Variants in PKP4 observed in about 807,000 individuals in gnomAD.
PKP4 encodes the protein plakophilin 4, also known as plakophilin-4.
In PKP4, 90 loss-of-function variants were observed where a neutral mutation model predicts 145.1. The ratio of observed to expected loss-of-function variants is 0.62; its 90% CI spans 0.52 to 0.74. PKP4 has a LOEUF of 0.74. Ranked by LOEUF, PKP4 falls within the 30% of genes least tolerant of loss-of-function variation. The pLI, the probability that PKP4 is intolerant of heterozygous loss-of-function variation, is 0.00. For synonymous variants in PKP4, 563 were observed against 577.2 expected, an observed-to-expected ratio of 0.98 and a Z score of 0.35; for missense variants, 1,340 against 1,482.7, an observed-to-expected ratio of 0.90 and a Z score of 1.58.
chr2:158,624,956 A>G lies in PKP4; in HGVS notation c.682A>G (p.Thr228Ala). The G allele has an allele frequency of 1.2e-6, 2 of 1,614,010 alleles. No homozygotes were observed. Among genetic ancestry groups the G allele is most frequent in the South Asian group, 1.1e-5 (1 of 91,064 alleles). ...RAQSPSYVIS[T>A]GVSPSRGSLR... Reference sequence around the variant, plus strand: ...ACAGTCTCCTTCTTATGTTATCAGCACAGGCGTGTCTCCTTCAAGGGGGTC... The same window carrying G: ...ACAGTCTCCTTCTTATGTTATCAGCGCAGGCGTGTCTCCTTCAAGGGGGTC... Residue 228 changes from threonine to alanine, a missense_variant, in exon 7 of 22, where the codon ACA (threonine) becomes GCA (alanine). By Grantham distance (58) the Thr-to-Ala change is moderately conservative. Transcript: ENST00000389759.
intron 1 of PKP4, among the ~76,000 whole-genome samples, chr2:158,490,825 T>C (rs963541308): frequency 2.6e-5 from 4 of 152,168 alleles, no homozygotes; most frequent in African/African-American, 9.7e-5. Flanking sequence ...AATTCTTTAG[T>C]TGGATGTTAG....
At chr2:158,617,176 G>T (rs895693473) in intron 4 of PKP4, among the ~76,000 whole-genome samples, 3 of 152,132 alleles carry the variant, frequency 2.0e-5, no homozygotes, top group South Asian at 2.1e-4. Context: ...CAATAATTTT[G>T]CAGTCTTAGG....
chr2:158,470,571 C>G (rs1691408748), intron 1 of PKP4, among the ~76,000 whole-genome samples: 1 of 152,186 alleles, frequency 6.6e-6, no homozygotes, highest in Admixed American at 6.5e-5. Flanking sequence ...TTATTTTCTT[C>G]AACCCATCAG....
chr2:158,642,484 A>G lies in PKP4; in HGVS notation c.1696-2A>G, dbSNP rs2054385583. ...CCTGGTACCTAATATTTTTCATTCT[A>G]GGTGTGTAGGTTAGGGGGAATCAAG... On this transcript the variant is annotated splice_acceptor_variant, in intron 10 of 21. Transcript: ENST00000389759. LOFTEE classifies it high-confidence loss of function. The G allele has an allele frequency of 6.3e-7, 1 of 1,592,670 alleles. No individual in the cohort carries two copies. Among genetic ancestry groups the G allele is most frequent in the Non-Finnish European group, 8.6e-7 (1 of 1,166,034 alleles).
chr2:158,533,081 A>G, intron 1 of PKP4, 99 bp from the exon 2 acceptor site: 1 of 1,231,290 alleles, frequency 8.1e-7, no homozygotes, highest in South Asian at 1.6e-5. Context: ...TGGTGTGTAG[A>G]CTGTAGTCTA....
At chr2:158,657,156 A>C (rs2056055317) in intron 11 of PKP4, among the ~76,000 whole-genome samples, 1 of 152,242 alleles carries the variant, frequency 6.6e-6, no homozygotes, top group Admixed American at 6.5e-5. Flanking sequence ...TGCAGAGAAA[A>C]ACCAGCTGCA....
chr2:158,589,330 A>C (rs1187683147), intron 3 of PKP4, among the ~76,000 whole-genome samples: 1 of 152,132 alleles, frequency 6.6e-6, no homozygotes, highest in Non-Finnish European at 1.5e-5. Flanking sequence ...TTTCCCCTAA[A>C]GATAGTGTTT....
rs138834403 is a variant in PKP4, at chr2:158,543,023, T to G, written c.132+9707T>G. Among the ~76,000 whole-genome samples the G allele has an allele frequency of 4.6e-5, 7 of 152,306 alleles. No homozygotes were observed. In the East Asian group the frequency reaches 1.3e-3, roughly 29 times the overall value. On this transcript the variant is annotated intron_variant, in intron 2 of 21. Coordinates refer to ENST00000389759, the MANE Select transcript of PKP4 (RefSeq NM_003628.6). ...TCCTTATCACAAATTTTGGGGTTAA[T>G]GTAGTAAAAAATCTTTCAGGTTATT... is the stretch of plus-strand genomic sequence containing the variant.
At chr2:158,557,918 C>G (rs1007743165) in intron 2 of PKP4, among the ~76,000 whole-genome samples, 2 of 152,132 alleles carry the variant, frequency 1.3e-5, no homozygotes, top group African/African-American at 4.8e-5. Flanking sequence ...TGTGGATCAT[C>G]CCCAAGAAGA....
At chr2:158,499,248 A>G (rs1357874757) in intron 1 of PKP4, among the ~76,000 whole-genome samples, 1 of 152,108 alleles carries the variant, frequency 6.6e-6, no homozygotes, top group African/African-American at 2.4e-5. Flanking sequence ...GGCCCCTTTC[A>G]TATCAAAACT....
At position 158,642,485 on chromosome 2, in the gene PKP4, G is replaced by C; in HGVS notation, c.1696-1G>C. On this transcript the variant is annotated splice_acceptor_variant, in intron 10 of 21. Coordinates refer to ENST00000389759, the MANE Select transcript of PKP4 (RefSeq NM_003628.6). LOFTEE classifies it high-confidence loss of function. The stretch of plus-strand genomic sequence containing the variant: ...CTGGTACCTAATATTTTTCATTCTA[G>C]GTGTGTAGGTTAGGGGGAATCAAGC... 6.3e-7 allele frequency: 1 copy of C among 1,594,138 alleles called. No individual in the cohort carries two copies.
intron 3 of PKP4, among the ~76,000 whole-genome samples, chr2:158,588,665 A>G (rs1574646897): frequency 1.3e-5 from 2 of 152,294 alleles, no homozygotes; most frequent in African/African-American, 2.4e-5. Flanking sequence ...TAGTACAGTG[A>G]CACGTATGTG....
intron 3 of PKP4, among the ~76,000 whole-genome samples, chr2:158,593,181 G>T (rs2049419678): frequency 6.6e-6 from 1 of 152,112 alleles, no homozygotes; most frequent in African/African-American, 2.4e-5. Flanking sequence ...GTAGACCATG[G>T]ACACAAATAG....
At chr2:158,596,040 T>TC (rs2049706997) in intron 3 of PKP4, among the ~76,000 whole-genome samples, 6 of 138,200 alleles carry the variant, frequency 4.3e-5, no homozygotes, top group African/African-American at 1.6e-4. Flanking sequence ...TTTTTTTTTT[T>TC]AACTTAGAAA....
At chr2:158,517,068 A>G (rs1411091369) in intron 1 of PKP4, among the ~76,000 whole-genome samples, 1 of 152,228 alleles carries the variant, frequency 6.6e-6, no homozygotes, top group Non-Finnish European at 1.5e-5. Context: ...ATAAATTGCC[A>G]TATTTCTAAA....
At chr2:158,585,400 C>G (rs2048716734) in intron 3 of PKP4, among the ~76,000 whole-genome samples, 1 of 152,160 alleles carries the variant, frequency 6.6e-6, no homozygotes, top group South Asian at 2.1e-4. Context: ...TTTGATTCCC[C>G]ACTGCCATTC....
intron 1 of PKP4, among the ~76,000 whole-genome samples, chr2:158,476,143 G>A (rs1156867753): frequency 6.6e-6 from 1 of 152,142 alleles, no homozygotes; most frequent in East Asian, 1.9e-4. Context: ...ATGCAATCAG[G>A]AAATCATTGG....
intron 1 of PKP4, among the ~76,000 whole-genome samples, chr2:158,487,722 C>CCATT (rs1694370960): frequency 6.6e-6 from 1 of 151,512 alleles, no homozygotes; most frequent in East Asian, 1.9e-4. Flanking sequence ...TTGTACTGGA[C>CCATT]CATTGCCCAG....
intron 12 of PKP4, 170 bp from the exon 13 acceptor site, chr2:158,661,163 G>C: frequency 1.9e-6 from 1 of 534,634 alleles, no homozygotes; most frequent in South Asian, 2.2e-5. Flanking sequence ...AATGGGGAGC[G>C]GGCCATCATT....
Sources: allele counts gnomAD v4.1 joint callset (sites outside exome capture counted in the v4.1 genomes callset), GRCh38; gene constraint gnomAD v4.1.1; transcripts MANE v1.5; gene names NCBI Gene and HGNC (gene_info 2026-07-23, HGNC 2026-07-21).